The following FYN variants were observed in gnomAD, a reference collection of about 807,000 sequenced individuals.
FYN encodes the protein tyrosine-protein kinase Fyn.
In FYN, 10 loss-of-function variants were observed where a neutral mutation model predicts 70.2. That is an observed-to-expected ratio of 0.14 (90% CI 0.09 to 0.24). The LOEUF is 0.24. Ranked by LOEUF, FYN falls within the 10% of genes least tolerant of loss-of-function variation. FYN has a pLI of 1.00. For synonymous variants in FYN, 236 were observed against 248.6 expected, an observed-to-expected ratio of 0.95 and a Z score of 0.48; for missense variants, 319 against 673.1, an observed-to-expected ratio of 0.47 and a Z score of 5.82.
At chr6:111,672,766 T>A (rs1372038979) in intron 13 of FYN, among the ~76,000 whole-genome samples, 3 of 152,022 alleles carry the variant, frequency 2.0e-5, no homozygotes, top group Non-Finnish European at 2.9e-5. Flanking sequence ...ATCTCCCCGA[T>A]AGAGGAAAAT....
intron 3 of FYN, among the ~76,000 whole-genome samples, chr6:111,747,650 T>G (rs1044142135): frequency 2.6e-5 from 4 of 152,158 alleles, no homozygotes; most frequent in African/African-American, 9.7e-5. Context: ...TGATGTTGGT[T>G]TGCATGGCTA....
At chr6:111,806,323 A>G (rs1184480691) in intron 2 of FYN, among the ~76,000 whole-genome samples, 1 of 152,038 alleles carries the variant, frequency 6.6e-6, no homozygotes, top group Non-Finnish European at 1.5e-5. Context: ...AAGGCTAACC[A>G]GAGGAGGAGG....
chr6:111,765,808 A>T (rs1390158702), intron 3 of FYN, among the ~76,000 whole-genome samples: 1 of 151,702 alleles, frequency 6.6e-6, no homozygotes, highest in Non-Finnish European at 1.5e-5. Context: ...GCAGCAGATT[A>T]GACTTAGACT....
intron 2 of FYN, among the ~76,000 whole-genome samples, chr6:111,803,334 T>C (rs963487335): frequency 2.6e-5 from 4 of 152,204 alleles, no homozygotes; most frequent in African/African-American, 7.2e-5. Context: ...TCATGCCACT[T>C]TTATGGCTTG....
At chr6:111,726,066 C>T (rs941669466) in intron 3 of FYN, among the ~76,000 whole-genome samples, 2 of 152,210 alleles carry the variant, frequency 1.3e-5, no homozygotes, top group African/African-American at 4.8e-5. Flanking sequence ...GTGGTCAGAG[C>T]TGAGAACAGC....
chr6:111,798,415 A>G (rs1256317453), intron 2 of FYN: 1 of 152,246 alleles, frequency 6.6e-6, no homozygotes, highest in South Asian at 2.1e-4. Flanking sequence ...GGATGAGATG[A>G]CACATTTTAG....
chr6:111,814,824 G>A (rs2114328542), intron 2 of FYN, among the ~76,000 whole-genome samples: 1 of 152,264 alleles, frequency 6.6e-6, no homozygotes, highest in South Asian at 2.1e-4. Flanking sequence ...TACTCTATAT[G>A]GGGCAGAAAT....
chr6:111,725,813 G>A (rs541901733), intron 3 of FYN, among the ~76,000 whole-genome samples: 10 of 152,302 alleles, frequency 6.6e-5, no homozygotes, highest in African/African-American at 2.4e-4. Flanking sequence ...TACTCCCGGT[G>A]TATGTGCCCT....
At chr6:111,795,935 A>G (rs1344204275) in intron 2 of FYN, among the ~76,000 whole-genome samples, 1 of 152,232 alleles carries the variant, frequency 6.6e-6, no homozygotes, top group Non-Finnish European at 1.5e-5. Flanking sequence ...AAATAAGGGA[A>G]ACGATTTATA....
At chr6:111,696,720 CTCT>C (rs577638502) in intron 9 of FYN, 25 of 321,818 alleles carry the variant, frequency 7.8e-5, no homozygotes, top group African/African-American at 5.0e-4. Flanking sequence ...TTACCACTCT[CTCT>C]TTTTTTGGCT....
At chr6:111,856,132 T>C (rs1292434607) in intron 1 of FYN, among the ~76,000 whole-genome samples, 3 of 152,184 alleles carry the variant, frequency 2.0e-5, no homozygotes, top group African/African-American at 4.8e-5. Flanking sequence ...AAATATTTGT[T>C]GAAGAATTCT....
chr6:111,792,527 G>A (rs574863033), intron 2 of FYN, among the ~76,000 whole-genome samples: 5 of 152,274 alleles, frequency 3.3e-5, no homozygotes, highest in Non-Finnish European at 7.3e-5. Context: ...GATCCTACCA[G>A]TACTATCTCT....
intron 1 of FYN, among the ~76,000 whole-genome samples, chr6:111,864,762 C>T (rs1458067453): frequency 1.3e-5 from 2 of 152,208 alleles, no homozygotes; most frequent in Non-Finnish European, 2.9e-5. Context: ...GAATGAGGAA[C>T]CACAGCTCTG....
intron 13 of FYN, among the ~76,000 whole-genome samples, chr6:111,667,140 G>C (rs939348332): frequency 6.6e-6 from 1 of 152,154 alleles, no homozygotes; most frequent in African/African-American, 2.4e-5. Flanking sequence ...CTATTCTTGT[G>C]TGTGTGTTTT....
At chr6:111,710,891 A>T (rs1356648742) in intron 5 of FYN, among the ~76,000 whole-genome samples, 1 of 152,128 alleles carries the variant, frequency 6.6e-6, no homozygotes, top group Non-Finnish European at 1.5e-5. Flanking sequence ...TATAGTTCAG[A>T]TTTTTCAGTT....
intron 6 of FYN, among the ~76,000 whole-genome samples, chr6:111,705,021 C>T (rs892120953): frequency 7.2e-5 from 11 of 152,226 alleles, no homozygotes; most frequent in African/African-American, 2.2e-4. Context: ...AGGATTGCGC[C>T]ACTGCACTCC....
intron 1 of FYN, among the ~76,000 whole-genome samples, chr6:111,847,014 C>T (rs1025012308): frequency 1.3e-5 from 2 of 152,170 alleles, no homozygotes; most frequent in African/African-American, 2.4e-5. Flanking sequence ...CTGAGTCTTC[C>T]AAGGTCTTAC....
intron 2 of FYN, among the ~76,000 whole-genome samples, chr6:111,839,659 G>A (rs1306405930): frequency 6.6e-6 from 1 of 152,182 alleles, no homozygotes; most frequent in Non-Finnish European, 1.5e-5. Flanking sequence ...GAAGTGACCA[G>A]AATGACGGGA....
At chr6:111,795,241 C>T (rs1325324734) in intron 2 of FYN, among the ~76,000 whole-genome samples, 1 of 152,156 alleles carries the variant, frequency 6.6e-6, no homozygotes, top group East Asian at 1.9e-4. Context: ...GTCATATGGG[C>T]AGACCACAAC....
Sources: gnomAD v4.1 joint callset for allele counts (sites outside exome capture counted in the v4.1 genomes callset) on GRCh38, gnomAD v4.1.1 for gene constraint, MANE v1.5 for transcripts, NCBI Gene and HGNC (gene_info 2026-07-23, HGNC 2026-07-21) for gene names.